The following TRIP13 variants were observed in gnomAD, a reference collection of about 807,000 sequenced individuals.
TRIP13 encodes pachytene checkpoint protein 2 homolog.
Under a neutral mutation model 54.4 loss-of-function variants are expected in TRIP13, and 25 were observed. The observed-to-expected ratio is 0.46, with a 90% CI of 0.33 to 0.64. TRIP13 has a LOEUF of 0.64. TRIP13 is among the 30% of genes least tolerant of loss of function. The probability of loss-of-function intolerance (pLI) is 0.02; values close to 1 mark genes in which losing one functional copy is unlikely to be tolerated. For synonymous variants in TRIP13, 207 were observed against 207.8 expected (o/e 1.00, Z 0.03); for missense variants, 373 against 534.2 (o/e 0.70, Z 2.97).
rs753327327 is a variant in TRIP13 at position 893,119 on chromosome 5, T to A, written c.92+29T>A. 32 of 1,554,770 alleles carry A rather than the reference T, an allele frequency of 2.1e-5. No homozygotes were observed. The Admixed American group carries it at 6.0e-4, about 29-fold the overall frequency. On this transcript the variant is annotated intron_variant, in intron 1 of 12. Transcript: ENST00000166345. ...AGCCGGACCTGTCCGACACATCCTCTGGGCACCCACCCGCCCCGACCCCAG... is the reference window on the plus strand; with the variant it reads ...AGCCGGACCTGTCCGACACATCCTCAGGGCACCCACCCGCCCCGACCCCAG...
At position 908,830 on chromosome 5, in the gene TRIP13, C is replaced by T. The variant is rs1307372034; in HGVS notation, c.866+369C>T. 6.4e-5 allele frequency: 19 copies of T among 296,400 alleles called. No individual in the cohort carries two copies. The highest frequency in any genetic ancestry group is 8.8e-5 in the African/African-American group (4 of 45,322). 18.4% of individuals were successfully genotyped at this position (296,400 alleles called of 1,614,324 possible). A position where few individuals can be genotyped will look rare whatever the true frequency, so the allele number is the denominator to read the frequency against. ...AAAATTAGCTGGGCATGATGGCGGG[C>T]GCCTGTAGTCCCAGCTACTCTGGAG... On this transcript the variant is annotated intron_variant, in intron 9 of 12. Transcript: ENST00000166345. The surrounding 1 kb of genome is among the most constrained non-coding windows in gnomAD (Gnocchi z 5.2).
chr5:915,085 T>C lies in TRIP13; in HGVS notation c.1133+508T>C, dbSNP rs1239782430. Reference sequence around the variant, plus strand: ...GGGGTGGAATGGACAGAGCCTCGGGTTTCTGGCCAGAGTTTGAATTTTATT... The same window carrying C: ...GGGGTGGAATGGACAGAGCCTCGGGCTTCTGGCCAGAGTTTGAATTTTATT... On this transcript the variant is annotated intron_variant, in intron 11 of 12. Transcript: ENST00000166345. The surrounding 1 kb of genome is among the most constrained non-coding windows in gnomAD (Gnocchi z 4.2). 6.6e-6 allele frequency among the ~76,000 whole-genome samples: 1 copy of C among 152,006 alleles called. No individual in the cohort carries two copies. The highest frequency in any genetic ancestry group is 2.4e-5 in the African/African-American group (1 of 41,354).
Position 915,903 on chromosome 5 carries a change from G to A in TRIP13, c.1134-1G>A. The A allele has an allele frequency of 6.2e-7, 1 of 1,614,146 alleles. No individual in the cohort carries two copies. On this transcript the variant is annotated splice_acceptor_variant, in intron 11 of 12. Transcript: ENST00000166345. LOFTEE classifies it high-confidence loss of function. This position sits in a 1 kb window ranked among gnomAD's most constrained non-coding sequence, Gnocchi z 4.2. The stretch of plus-strand genomic sequence containing the variant: ...CTCTGAACTGGGTTTTCTTTACACA[G>A]GAAGAGCGAGGGCCTCAGCGGCCGG...
chr5:916,376 G>A (rs1006457658), intron 12 of TRIP13, among the ~76,000 whole-genome samples: 1 of 152,232 alleles, frequency 6.6e-6, no homozygotes, highest in African/African-American at 2.4e-5. Context: ...TCGGCCTGGG[G>A]CACTCACCCC....
At chr5:909,666 G>A (rs1445266629) in intron 9 of TRIP13, among the ~76,000 whole-genome samples, 3 of 152,336 alleles carry the variant, frequency 2.0e-5, no homozygotes, top group Middle Eastern at 3.4e-3. Context: ...TGAGAGCCCC[G>A]AACAGAGGTT....
chr5:914,475 T>C lies in TRIP13; in HGVS notation c.1031T>C (p.Ile344Thr), dbSNP rs1560950920. Residue 344 changes from isoleucine to threonine, a missense_variant, in exon 11 of 13, where the codon ATA becomes ACA. Transcript: ENST00000166345. ...CTTCTGTCTCCCCAGTGTCAGATCATATACCCTCGCCAGCAGCTGCTGACC... is the reference window on the plus strand; with the variant it reads ...CTTCTGTCTCCCCAGTGTCAGATCACATACCCTCGCCAGCAGCTGCTGACC... ...CLEELMKCQI[I>T]YPRQQLLTLR... 5 of 1,613,052 alleles carry C rather than the reference T, an allele frequency of 3.1e-6. No homozygotes were observed. The highest frequency in any genetic ancestry group is 3.4e-6 in the Non-Finnish European group (4 of 1,179,688).
downstream of TRIP13, among the ~76,000 whole-genome samples, chr5:918,643 A>G (rs144171416): frequency 5.8e-3 from 888 of 152,316 alleles, 9 homozygotes; most frequent in African/African-American, 0.02. The surrounding 1 kb of genome is among the most constrained non-coding windows in gnomAD (Gnocchi z 4.3). Flanking sequence ...AGGGGAGTTT[A>G]TTAAGTATTA....
chr5:900,709 C>G (rs1753966131), intron 4 of TRIP13, among the ~76,000 whole-genome samples, 160 bp downstream of exon 4: 1 of 152,150 alleles, frequency 6.6e-6, no homozygotes, highest in Admixed American at 6.5e-5. Flanking sequence ...TAGTATTGCT[C>G]CAGAGTAGAG....
intron 6 of TRIP13, among the ~76,000 whole-genome samples, 196 bp from the exon 7 acceptor site, chr5:906,934 C>G (rs1754127223): frequency 1.3e-5 from 2 of 152,128 alleles, no homozygotes; most frequent in Non-Finnish European, 2.9e-5. Flanking sequence ...CAGTCTAGAA[C>G]TACTGATTGA....
At chr5:905,567 A>T (rs1300698147) in intron 6 of TRIP13, among the ~76,000 whole-genome samples, 1 of 152,190 alleles carries the variant, frequency 6.6e-6, no homozygotes, top group Non-Finnish European at 1.5e-5. Context: ...TGTGGTTGGA[A>T]GATGCCTCCC....
At chr5:894,636 C>T in intron 1 of TRIP13, 151 bp from the exon 2 acceptor site, 4 of 788,694 alleles carry the variant, frequency 5.1e-6, no homozygotes, top group Non-Finnish European at 7.6e-6. Context: ...CAAGGGGTGG[C>T]TCTAGATTTG....
rs1753927647 is a variant in TRIP13 at position 896,856 on chromosome 5, A to G, written c.388+62A>G. 5 of 1,529,530 alleles carry G rather than the reference A, an allele frequency of 3.3e-6. No individual in the cohort carries two copies. In the South Asian group the frequency reaches 3.8e-5, roughly 12 times the overall value. 94.7% of individuals were successfully genotyped at this position (1,529,530 alleles called of 1,614,324 possible). A position where few individuals can be genotyped will look rare whatever the true frequency, so the allele number is the denominator to read the frequency against. On this transcript the variant is annotated intron_variant, in intron 3 of 12. Transcript: ENST00000166345. ...GTCAGAGGATTGTATACTCCATGCC[A>G]TGTCAGTTCACAGGGGGGGTTCTGT... is the stretch of plus-strand genomic sequence containing the variant.
Position 901,308 on chromosome 5 carries a change from T to C in TRIP13, c.445-33T>C, listed in dbSNP as rs6878334. On this transcript the variant is annotated intron_variant, in intron 4 of 12. Coordinates refer to ENST00000166345, the MANE Select transcript of TRIP13 (RefSeq NM_004237.4). ...CTTGGGGACCTTTGCCTTGTTGGTATCTTTGTCAAGCTCTTTTCTTTTTCT... is the reference window on the plus strand; with the variant it reads ...CTTGGGGACCTTTGCCTTGTTGGTACCTTTGTCAAGCTCTTTTCTTTTTCT... The C allele has an allele frequency of 0.017, 26,718 of 1,604,208 alleles. 2,730 individuals carry two copies. In the African/African-American group the frequency reaches 0.26, roughly 16 times the overall value.
intron 5 of TRIP13, among the ~76,000 whole-genome samples, chr5:902,738 T>C (rs1754019945): frequency 6.6e-6 from 1 of 152,070 alleles, no homozygotes; most frequent in African/African-American, 2.4e-5. Flanking sequence ...TGGCCCCGAA[T>C]GCCAGGCTGC....
chr5:914,307 C>G (rs1047106751), intron 10 of TRIP13, among the ~76,000 whole-genome samples, 158 bp from the exon 11 acceptor site: 1 of 152,124 alleles, frequency 6.6e-6, no homozygotes, highest in Admixed American at 6.5e-5. Context: ...CGAGCTTGTT[C>G]CCTAGTGCAG....
At chr5:903,502 T>G (rs1754041473) in intron 5 of TRIP13, among the ~76,000 whole-genome samples, 2 of 152,160 alleles carry the variant, frequency 1.3e-5, no homozygotes, top group Non-Finnish European at 2.9e-5. Context: ...ATTATTCTTA[T>G]TTTATTTATT....
chr5:901,041 A>G (rs1224826589), intron 4 of TRIP13, among the ~76,000 whole-genome samples: 1 of 152,206 alleles, frequency 6.6e-6, no homozygotes, highest in Non-Finnish European at 1.5e-5. Context: ...GAGCTTACTC[A>G]TTACTTGATA....
intron 6 of TRIP13, among the ~76,000 whole-genome samples, chr5:906,547 A>G (rs557413719): frequency 6.6e-6 from 1 of 152,272 alleles, no homozygotes; most frequent in African/African-American, 2.4e-5. Flanking sequence ...TTGACATGGA[A>G]GCAACTGAAA....
rs774919094 is a variant in TRIP13 at position 896,801 on chromosome 5, G to T, written c.388+7G>T. On this transcript the variant is annotated splice_region_variant and intron_variant, in intron 3 of 12. Coordinates refer to ENST00000166345, the MANE Select transcript of TRIP13 (RefSeq NM_004237.4). ...CACTGGGTTCTACCTGCAGGTATGG[G>T]GTGTGATGGGAGTTGAAGGGGAGGC... 1.1e-4 allele frequency: 183 copies of T among 1,612,350 alleles called. No individual in the cohort carries two copies. The highest frequency in any genetic ancestry group is 1.5e-4 in the Non-Finnish European group (179 of 1,179,100).
Sources: allele counts gnomAD v4.1 joint callset (sites outside exome capture counted in the v4.1 genomes callset), GRCh38; gene constraint gnomAD v4.1.1; non-coding constraint Gnocchi (gnomAD v3.1); transcripts MANE v1.5; gene names NCBI Gene and HGNC (gene_info 2026-07-23, HGNC 2026-07-21).